The following BLOC1S1 variants were observed in gnomAD, a reference collection of about 807,000 sequenced individuals.
BLOC1S1 encodes biogenesis of lysosome-related organelles complex 1 subunit 1.
A neutral mutation model predicts 19.0 loss-of-function variants in BLOC1S1; 11 were observed. That is an observed-to-expected ratio of 0.58 (90% CI 0.37 to 0.96). BLOC1S1 has a LOEUF of 0.96. Among genes scored for constraint, BLOC1S1 ranks in the 40% least tolerant of loss-of-function variants. BLOC1S1 has a pLI of 0.01. For synonymous variants in BLOC1S1, 94 were observed against 76.4 expected (o/e 1.23, Z -1.20); for missense variants, 220 against 195.9 (o/e 1.12, Z -0.73).
In BLOC1S1 at chr12:55,716,945, G is replaced by C; in HGVS notation, c.158G>C (p.Arg53Pro). The C allele has an allele frequency of 6.3e-7, 1 of 1,589,494 alleles. No individual in the cohort carries two copies. The highest frequency in any genetic ancestry group is 8.5e-7 in the Non-Finnish European group (1 of 1,169,732). ...ERKELQEKRR[R>P]EAITAATCLT... is the part of the protein sequence containing the mutation. ...CCCCTCTCCCCAGAAAAGAGGAGGC[G>C]AGAGGCTATCACTGCAGCGACCTGC... The change falls in exon 2 of 4, where the codon CGA becomes CCA. Residue 53 changes from arginine to proline, a missense_variant. By Grantham distance (103) the Arg-to-Pro change is moderately radical (BLOSUM62 -2). Coordinates refer to ENST00000548925, the MANE Select transcript of BLOC1S1 (RefSeq NM_001487.4).
chr12:55,718,243 C>A (rs976699083), intron 2 of BLOC1S1, among the ~76,000 whole-genome samples: 1 of 152,226 alleles, frequency 6.6e-6, no homozygotes, highest in African/African-American at 2.4e-5. Flanking sequence ...ACCCCTTCCC[C>A]GCTCCAGCCC....
chr12:55,716,818 ATTAG>A, intron 1 of BLOC1S1, 111 bp from the exon 2 acceptor site: 2 of 1,284,210 alleles, frequency 1.6e-6, no homozygotes, highest in Non-Finnish European at 2.1e-6. Flanking sequence ...GCATTCAGAG[ATTAG>A]TTAAGAAATT....
rs1417178673 is a variant in BLOC1S1, at chr12:55,719,098, C to A, written c.226C>A (p.Gln76Lys). 6.2e-7 allele frequency: 1 copy of A among 1,613,854 alleles called. No homozygotes were observed. Among genetic ancestry groups the A allele is most frequent in the African/African-American group, 1.3e-5 (1 of 74,866 alleles). The change falls in exon 3 of 4, where the codon CAG (glutamine) becomes AAG (lysine). Residue 76 changes from glutamine to lysine, a missense_variant. Coordinates refer to ENST00000548925, the MANE Select transcript of BLOC1S1 (RefSeq NM_001487.4). ...CCTCCTCCAACCCCCCAGTGTGGCC[C>A]AGGCCTACATGAACCAGAGAAAGCT... is the stretch of plus-strand genomic sequence containing the variant. The part of the protein sequence containing the change: ...LVDHLNVGVA[Q>K]AYMNQRKLDH...
rs1876596499 is a variant in BLOC1S1, at chr12:55,716,925, C to T, written c.146-8C>T. 1 of 1,580,650 alleles carries T rather than the reference C, an allele frequency of 6.3e-7. No homozygotes were observed. Among genetic ancestry groups the T allele is most frequent in the Non-Finnish European group, 8.6e-7 (1 of 1,166,986 alleles). On this transcript the variant is annotated splice_polypyrimidine_tract_variant and splice_region_variant and intron_variant, in intron 1 of 3. Transcript: ENST00000548925. ...CTCCCCTCCAATTCCTTTTCCCCCT[C>T]TCCCCAGAAAAGAGGAGGCGAGAGG... is the stretch of plus-strand genomic sequence containing the variant.
At chr12:55,719,308 G>A (rs1288813955) in intron 3 of BLOC1S1, 85 bp downstream of exon 3, 3 of 1,604,476 alleles carry the variant, frequency 1.9e-6, no homozygotes, top group Non-Finnish European at 2.6e-6. Flanking sequence ...TTAGGTTAAG[G>A]AGGAAGTAGG....
At chr12:55,716,709 C>A in intron 1 of BLOC1S1, 1 of 1,302,782 alleles carries the variant, frequency 7.7e-7, no homozygotes, top group Non-Finnish European at 9.7e-7. Flanking sequence ...GACTTCCTGG[C>A]GTCCCTGAGT....
At chr12:55,717,372 C>A (rs753000541) in intron 2 of BLOC1S1, among the ~76,000 whole-genome samples, 1 of 152,172 alleles carries the variant, frequency 6.6e-6, no homozygotes, top group Non-Finnish European at 1.5e-5. Context: ...TCTCCTCTGC[C>A]TCCCACCCTC....
At chr12:55,718,033 T>C (rs1876709032) in intron 2 of BLOC1S1, among the ~76,000 whole-genome samples, 1 of 152,216 alleles carries the variant, frequency 6.6e-6, no homozygotes, top group Non-Finnish European at 1.5e-5. Flanking sequence ...ATTTGTGAGA[T>C]TGGCCCAGGC....
chr12:55,718,303 G>C (rs114101768), intron 2 of BLOC1S1, among the ~76,000 whole-genome samples: 3,049 of 152,272 alleles, frequency 0.02, 118 homozygotes, highest in African/African-American at 0.07. Flanking sequence ...TCCTGGCTGA[G>C]TAGAGCTCTG....
At chr12:55,717,459 C>G (rs1205272795) in intron 2 of BLOC1S1, among the ~76,000 whole-genome samples, 2 of 152,216 alleles carry the variant, frequency 1.3e-5, no homozygotes, top group Non-Finnish European at 2.9e-5. Flanking sequence ...GTTCCGGGAG[C>G]TATGGCAGAG....
At chr12:55,716,579 C>A in intron 1 of BLOC1S1, 4 of 1,207,658 alleles carry the variant, frequency 3.3e-6, no homozygotes, top group South Asian at 4.3e-5. Context: ...CTGAAACCAC[C>A]GGAACGGAGG....
rs779038442 is a variant in BLOC1S1, at chr12:55,716,076, C to T, written c.25C>T (p.Arg9Cys). Residue 9 changes from arginine to cysteine, a missense_variant, in exon 1 of 4, where the codon CGT becomes TGT. Arg to Cys is a radical substitution (Grantham distance 180, BLOSUM62 -3). Transcript: ENST00000548925. MAPGSRGE[R>C]SSFRSRRGPG... The stretch of plus-strand genomic sequence containing the variant: ...CATGGCCCCGGGGAGCCGAGGTGAG[C>T]GTTCCAGCTTCCGGAGCCGGAGGGG... 3 of 1,573,038 alleles carry T rather than the reference C, an allele frequency of 1.9e-6. No individual in the cohort carries two copies. Among genetic ancestry groups the T allele is most frequent in the African/African-American group, 2.7e-5 (2 of 73,790 alleles).
At chr12:55,717,419 G>T (rs968707684) in intron 2 of BLOC1S1, among the ~76,000 whole-genome samples, 3 of 152,186 alleles carry the variant, frequency 2.0e-5, no homozygotes, top group Non-Finnish European at 4.4e-5. Context: ...GAAAGAGATG[G>T]CAGAGCTGGT....
At chr12:55,716,885 C>T in intron 1 of BLOC1S1, 48 bp from the exon 2 acceptor site, 1 of 1,548,316 alleles carries the variant, frequency 6.5e-7, no homozygotes, top group Non-Finnish European at 8.7e-7. Context: ...AACACTACCC[C>T]TCAAAAAACC....
At chr12:55,716,369 A>G (rs1460273330) in intron 1 of BLOC1S1, 173 bp downstream of exon 1, 3 of 1,437,954 alleles carry the variant, frequency 2.1e-6, no homozygotes, top group Non-Finnish European at 2.7e-6. Flanking sequence ...TTCCCTTGCC[A>G]ACTGGCTCCG....
intron 2 of BLOC1S1, among the ~76,000 whole-genome samples, chr12:55,718,117 T>G (rs1040941604): frequency 2.0e-5 from 3 of 152,150 alleles, no homozygotes; most frequent in African/African-American, 7.2e-5. Context: ...AAAGCCAGAT[T>G]AGAAAGGGTT....
chr12:55,716,094 C>T lies in BLOC1S1; in HGVS notation c.43C>T (p.Arg15Trp), dbSNP rs555408502. Residue 15 changes from arginine to tryptophan, a missense_variant, in exon 1 of 4, where the codon CGG becomes TGG. By Grantham distance (101) the Arg-to-Trp change is moderately radical (BLOSUM62 -3). Coordinates refer to ENST00000548925, the MANE Select transcript of BLOC1S1 (RefSeq NM_001487.4). Reference sequence around the variant, plus strand: ...AGGTGAGCGTTCCAGCTTCCGGAGCCGGAGGGGGCCCGGCGTACCCAGCCC... The same window carrying T: ...AGGTGAGCGTTCCAGCTTCCGGAGCTGGAGGGGGCCCGGCGTACCCAGCCC... The part of the protein sequence containing the change: ...SRGERSSFRS[R>W]RGPGVPSPQP... 50 of 1,591,112 alleles carry T rather than the reference C, an allele frequency of 3.1e-5. No individual in the cohort carries two copies. The East Asian group carries it at 8.8e-4, about 28-fold the overall frequency.
Position 55,716,142 on chromosome 12 carries a change from T to C in BLOC1S1, c.91T>C (p.Ser31Pro). 1 of 1,612,048 alleles carries C rather than the reference T, an allele frequency of 6.2e-7. No individual in the cohort carries two copies. Among genetic ancestry groups the C allele is most frequent in the Non-Finnish European group, 8.5e-7 (1 of 1,179,092 alleles). The change falls in exon 1 of 4, where the codon TCC becomes CCC. Residue 31 changes from serine to proline, a missense_variant. Transcript: ENST00000548925. ...CCCCCAGCCCGACGTGACCATGCTGTCCCGCCTCCTAAAAGAACACCAGGC... is the reference window on the plus strand; with the variant it reads ...CCCCCAGCCCGACGTGACCATGCTGCCCCGCCTCCTAAAAGAACACCAGGC... Reference protein sequence around the residue: ...PSPQPDVTMLSRLLKEHQAKQ... With the variant: ...PSPQPDVTMLPRLLKEHQAKQ...
intron 1 of BLOC1S1, chr12:55,716,577 A>C: frequency 1.7e-6 from 2 of 1,204,678 alleles, no homozygotes; most frequent in Non-Finnish European, 2.1e-6. Flanking sequence ...GCCTGAAACC[A>C]CCGGAACGGA....
Sources: gnomAD v4.1 joint callset for allele counts (sites outside exome capture counted in the v4.1 genomes callset) on GRCh38, gnomAD v4.1.1 for gene constraint, MANE v1.5 for transcripts, NCBI Gene and HGNC (gene_info 2026-07-23, HGNC 2026-07-21) for gene names.